Variants in ELFN1 observed in about 807,000 individuals in gnomAD.
ELFN1 encodes extracellular leucine rich repeat and fibronectin type III domain containing 1, also known as protein ELFN1.
Under a neutral mutation model 7.6 loss-of-function variants are expected in ELFN1, and 6 were observed. That is an observed-to-expected ratio of 0.79 (90% CI 0.43 to 1.56). ELFN1 has a LOEUF of 1.56. ELFN1 is among the 40% of genes most tolerant of loss of function. The pLI, the probability that ELFN1 is intolerant of heterozygous loss-of-function variation, is 0.01. For synonymous variants in ELFN1, 657 were observed against 588.1 expected, an observed-to-expected ratio of 1.12 and a Z score of -1.70; for missense variants, 1,169 against 1,232.2, an observed-to-expected ratio of 0.95 and a Z score of 0.77.
intron 2 of ELFN1, among the ~76,000 whole-genome samples, chr7:1,690,446 G>A (rs1375986551): frequency 6.6e-6 from 1 of 151,192 alleles, no homozygotes; most frequent in Non-Finnish European, 1.5e-5. Context: ...GATGGATGAA[G>A]GATGAATGGA....
intron 3 of ELFN1, among the ~76,000 whole-genome samples, chr7:1,737,373 G>A (rs1780478550): frequency 6.6e-6 from 1 of 152,084 alleles, no homozygotes; most frequent in East Asian, 1.9e-4. Context: ...GGACCCTCCT[G>A]CTCCGGGTCT....
At chr7:1,741,129 CA>C (rs34300810) in intron 3 of ELFN1, among the ~76,000 whole-genome samples, 5,584 of 116,798 alleles carry the variant, frequency 0.048, 247 homozygotes, top group African/African-American at 0.15. Context: ...GACTCTGTCT[CA>C]AAAAAAAAAA....
upstream of ELFN1, among the ~76,000 whole-genome samples, chr7:1,668,765 C>T (rs1213529340): frequency 6.6e-6 from 1 of 152,266 alleles, no homozygotes; most frequent in Non-Finnish European, 1.5e-5. Flanking sequence ...TCTTGGCCTG[C>T]GGCCTGGCTC....
rs1264731150 is a variant in ELFN1 at position 1,693,752 on chromosome 7, G to A, written c.-456+5602G>A. On this transcript the variant is annotated intron_variant, in intron 2 of 3. Coordinates refer to ENST00000424383, the MANE Select transcript of ELFN1 (RefSeq NM_001128636.4). The stretch of plus-strand genomic sequence containing the variant: ...TCGTCCCCATGGCAACCCCAGAGCA[G>A]GTGTCTGGGAGACCCTGATCAGTGC... The A allele has an allele frequency of 8.5e-6, 4 of 471,042 alleles. No homozygotes were observed. In the Admixed American group the frequency reaches 9.4e-5, roughly 11 times the overall value. The allele number at this position is 471,042 out of a possible 1,614,324, so 29.2% of individuals were successfully genotyped here.
At chr7:1,667,578 G>C (rs1778689496), upstream of ELFN1, among the ~76,000 whole-genome samples, 1 of 152,212 alleles carries the variant, frequency 6.6e-6, no homozygotes, top group South Asian at 2.1e-4. The surrounding 1 kb of genome is among the most constrained non-coding windows in gnomAD (Gnocchi z 8.2). Flanking sequence ...CTGAGCCTGA[G>C]TGGATTTGAG....
chr7:1,698,068 C>T (rs1020859485), intron 2 of ELFN1, among the ~76,000 whole-genome samples: 6 of 152,218 alleles, frequency 3.9e-5, no homozygotes, highest in Non-Finnish European at 8.8e-5. Flanking sequence ...CCAAATGTGC[C>T]TGACACAACA....
intron 1 of ELFN1, among the ~76,000 whole-genome samples, chr7:1,686,764 G>A (rs371660919): frequency 1.3e-5 from 2 of 152,008 alleles, no homozygotes; most frequent in East Asian, 3.9e-4. Flanking sequence ...TTTGTGAATT[G>A]CTTGGGCCCT....
intron 1 of ELFN1, among the ~76,000 whole-genome samples, chr7:1,676,575 G>A (rs1778875445): frequency 6.6e-6 from 1 of 152,256 alleles, no homozygotes; most frequent in South Asian, 2.1e-4. Flanking sequence ...CCGCCCTTCT[G>A]ACTTGCCCTG....
At chr7:1,676,816 T>C (rs1778880149) in intron 1 of ELFN1, among the ~76,000 whole-genome samples, 1 of 152,210 alleles carries the variant, frequency 6.6e-6, no homozygotes, top group South Asian at 2.1e-4. Context: ...TCCGGGCTGC[T>C]CCTGTGTCGG....
In ELFN1 at chr7:1,744,962, C is replaced by T; in HGVS notation, c.366C>T (p.Asn122=). 6.4e-7 allele frequency: 1 copy of T among 1,551,352 alleles called. No individual in the cohort carries two copies. Among genetic ancestry groups the T allele is most frequent in the Non-Finnish European group, 8.7e-7 (1 of 1,147,050 alleles). Reference sequence around the variant, plus strand: ...AGCTGGGCTACAACCGGCTGCGCAACCTCACGGAGGGCATGCTGCGCGGCC... The same window carrying T: ...AGCTGGGCTACAACCGGCTGCGCAATCTCACGGAGGGCATGCTGCGCGGCC... The part of the protein sequence containing the change: ...VLQLGYNRLR[N]LTEGMLRGLG... Residue 122 remains asparagine (N), a synonymous_variant, in exon 4 of 4, where the codon AAC becomes AAT. Transcript: ENST00000424383.
Position 1,744,884 on chromosome 7 carries a change from C to A in ELFN1, c.288C>A (p.Ile96=). The change falls in exon 4 of 4, where the codon ATC becomes ATA. Residue 96 remains isoleucine (I), a synonymous_variant. Coordinates refer to ENST00000424383, the MANE Select transcript of ELFN1 (RefSeq NM_001128636.4). ...LTYLNLTKNE[I]GYIEDGAFSG... The stretch of plus-strand genomic sequence containing the variant: ...ACCTCAACCTCACCAAGAACGAGAT[C>A]GGCTACATCGAGGACGGCGCCTTCT... The A allele has an allele frequency of 6.4e-7, 1 of 1,565,088 alleles. No homozygotes were observed. The highest frequency in any genetic ancestry group is 8.7e-7 in the Non-Finnish European group (1 of 1,154,124).
intron 2 of ELFN1, among the ~76,000 whole-genome samples, chr7:1,707,021 G>A (rs905930079): frequency 1.3e-5 from 2 of 152,230 alleles, no homozygotes; most frequent in Admixed American, 1.3e-4. Context: ...ACGTACACGT[G>A]TACACATGTG....
chr7:1,694,194 G>C (rs1012578230), intron 2 of ELFN1: 2 of 205,782 alleles, frequency 9.7e-6, no homozygotes, highest in Admixed American at 1.0e-4. Context: ...TCTGGAAGGA[G>C]GCAGGGAGCC....
intron 2 of ELFN1, among the ~76,000 whole-genome samples, chr7:1,690,343 T>TGATG (rs754599688): frequency 4.6e-4 from 61 of 133,682 alleles, no homozygotes; most frequent in African/African-American, 1.7e-3. Flanking sequence ...GATATATGGA[T>TGATG]GATGGATGGA....
At chr7:1,702,127 A>G (rs1779439531) in intron 2 of ELFN1, among the ~76,000 whole-genome samples, 1 of 152,062 alleles carries the variant, frequency 6.6e-6, no homozygotes, top group South Asian at 2.1e-4. Flanking sequence ...TATCTGATGG[A>G]AGAAGAGCCA....
chr7:1,711,571 A>AGAGT (rs1373471737), intron 3 of ELFN1, among the ~76,000 whole-genome samples: 1 of 98,918 alleles, frequency 1.0e-5, no homozygotes, highest in Admixed American at 1.1e-4. Flanking sequence ...AGAGAGCGAG[A>AGAGT]GAGTGAGAGA....
chr7:1,745,262 G>A lies in ELFN1; in HGVS notation c.666G>A (p.Ser222=), dbSNP rs1282010484. ...TQTYDRMQCE[S]PPVYSGYYLL... ...CGTACGACCGCATGCAGTGCGAGTC[G>A]CCGCCCGTCTACTCCGGCTACTACC... The change falls in exon 4 of 4, where the codon TCG becomes TCA. Residue 222 remains serine, a synonymous_variant. Transcript: ENST00000424383. The A allele has an allele frequency of 9.1e-6, 14 of 1,538,822 alleles. No homozygotes were observed. Among genetic ancestry groups the A allele is most frequent in the Admixed American group, 2.0e-5 (1 of 50,984 alleles).
intron 3 of ELFN1, among the ~76,000 whole-genome samples, chr7:1,712,270 C>T (rs1026268957): frequency 5.3e-5 from 8 of 151,666 alleles, no homozygotes; most frequent in Non-Finnish European, 8.8e-5. Flanking sequence ...TACAGGCACC[C>T]GCCACCACGC....
intron 3 of ELFN1, among the ~76,000 whole-genome samples, chr7:1,728,045 G>T (rs1260663165): frequency 2.0e-5 from 3 of 152,186 alleles, no homozygotes; most frequent in Admixed American, 1.3e-4. Flanking sequence ...GCGGTTTTCT[G>T]TCCAGAGCCA....
Sources: gnomAD v4.1 joint callset for allele counts (sites outside exome capture counted in the v4.1 genomes callset) on GRCh38, gnomAD v4.1.1 for gene constraint, Gnocchi (gnomAD v3.1) non-coding constraint, MANE v1.5 for transcripts, NCBI Gene and HGNC (gene_info 2026-07-23, HGNC 2026-07-21) for gene names.